Variants in BBS9 observed in about 807,000 individuals in gnomAD.
The protein encoded by BBS9 is protein PTHB1.
A neutral mutation model predicts 117.7 loss-of-function variants in BBS9; 89 were observed. The observed-to-expected ratio is 0.76, with a 90% CI of 0.64 to 0.90. The LOEUF (loss-of-function observed/expected upper bound fraction) is 0.90. Among genes scored for constraint, BBS9 ranks in the 40% least tolerant of loss-of-function variants. BBS9 has a pLI of 0.00. For missense variants in BBS9, 982 were observed against 1,042.2 expected (o/e 0.94, Z 0.80); for synonymous variants, 379 against 370.9 (o/e 1.02, Z -0.25).
intron 20 of BBS9, among the ~76,000 whole-genome samples, chr7:33,532,869 A>G (rs1585155322): frequency 2.6e-5 from 4 of 152,168 alleles, no homozygotes; most frequent in Non-Finnish European, 5.9e-5. Flanking sequence ...GCAGTATTCT[A>G]TGATCATAAA....
chr7:33,398,378 C>G (rs1237202405), intron 19 of BBS9, among the ~76,000 whole-genome samples: 1 of 152,094 alleles, frequency 6.6e-6, no homozygotes. Context: ...TTCCTGTTCA[C>G]TGAAAAGAGA....
chr7:33,515,910 C>T (rs1400288798), intron 20 of BBS9, among the ~76,000 whole-genome samples: 1 of 152,206 alleles, frequency 6.6e-6, no homozygotes, highest in African/African-American at 2.4e-5. Flanking sequence ...CTTCTAACTA[C>T]ACTATTTCCA....
chr7:33,289,436 T>G (rs7778892), intron 9 of BBS9, among the ~76,000 whole-genome samples: 125,982 of 152,140 alleles, frequency 0.83, 52,214 homozygotes, highest in Admixed American at 0.86. Flanking sequence ...AATTATTAAG[T>G]ATTTTAAGGA....
At chr7:33,533,917 A>C (rs765837501) in intron 20 of BBS9, 37 bp from the exon 21 acceptor site, 2 of 1,606,618 alleles carry the variant, frequency 1.2e-6, no homozygotes, top group African/African-American at 1.3e-5. Context: ...TCTTATTGTC[A>C]TCTTTGTATT....
At chr7:33,420,146 G>C (rs1470753289) in intron 19 of BBS9, among the ~76,000 whole-genome samples, 1 of 152,104 alleles carries the variant, frequency 6.6e-6, no homozygotes, top group Non-Finnish European at 1.5e-5. Context: ...AGAGATTTTG[G>C]GGTCAGACAA....
intron 5 of BBS9, among the ~76,000 whole-genome samples, chr7:33,197,188 C>G (rs183069472): frequency 2.3e-4 from 35 of 152,186 alleles, no homozygotes; most frequent in Admixed American, 5.2e-4. Flanking sequence ...TCAGCACTGC[C>G]TTTGACAAGA....
At chr7:33,534,362 T>G (rs1214958800) in intron 21 of BBS9, 186 bp downstream of exon 21, 2 of 658,638 alleles carry the variant, frequency 3.0e-6, no homozygotes, top group East Asian at 5.5e-5. Context: ...GATATTTGCT[T>G]GCTAGACATT....
chr7:33,575,609 A>G (rs534213775), intron 21 of BBS9, among the ~76,000 whole-genome samples: 5 of 152,250 alleles, frequency 3.3e-5, no homozygotes, highest in African/African-American at 1.2e-4. Context: ...CAACAAAAAA[A>G]GAATTTTAGA....
At chr7:33,301,330 A>C (rs1806391181) in intron 9 of BBS9, among the ~76,000 whole-genome samples, 1 of 152,026 alleles carries the variant, frequency 6.6e-6, no homozygotes, top group African/African-American at 2.4e-5. Flanking sequence ...ATTTTTGAGT[A>C]TCATCTTCCT....
chr7:33,510,802 G>A (rs1162268945), intron 20 of BBS9, among the ~76,000 whole-genome samples: 2 of 152,204 alleles, frequency 1.3e-5, no homozygotes, highest in South Asian at 2.1e-4. Flanking sequence ...AGAAAGTTCT[G>A]TTGCATAGCA....
chr7:33,340,972 CT>C lies in BBS9; in HGVS notation c.1275del (p.Gln426LysfsTer17), dbSNP rs1235835741. ...GTTTCTCCTAACTTTGATTCAGTTT[CT>C]GTAGGTGTACTTGCAGATTTTAAAG... ...VVVSPNFDSV[S>X]QATDVEVGTD... is the part of the protein sequence containing the mutation. On this transcript the variant is annotated frameshift_variant and splice_region_variant, in exon 11 of 23. Transcript: ENST00000242067. LOFTEE classifies it high-confidence loss of function. 1.2e-6 allele frequency: 2 copies of C among 1,612,778 alleles called. No homozygotes were observed. The highest frequency in any genetic ancestry group is 1.7e-6 in the Non-Finnish European group (2 of 1,179,092).
At chr7:33,303,876 G>A (rs112044290) in intron 9 of BBS9, among the ~76,000 whole-genome samples, 3 of 152,158 alleles carry the variant, frequency 2.0e-5, no homozygotes, top group Non-Finnish European at 2.9e-5. Flanking sequence ...CCTCCCAGCC[G>A]CCTGCCTTGG....
At chr7:33,516,414 G>A (rs111772302) in intron 20 of BBS9, among the ~76,000 whole-genome samples, 3,211 of 148,934 alleles carry the variant, frequency 0.022, 55 homozygotes, top group East Asian at 0.061. Context: ...ACTGGAACCC[G>A]GGAGGCAGAG....
intron 19 of BBS9, among the ~76,000 whole-genome samples, chr7:33,494,314 C>T (rs1472018735): frequency 2.0e-5 from 3 of 152,282 alleles, no homozygotes; most frequent in South Asian, 2.1e-4. Flanking sequence ...ATGTCATTAA[C>T]GAGGAGGATG....
In BBS9 at chr7:33,519,443, C is replaced by A. The variant is rs187302108; in HGVS notation, c.2298+13798C>A. Among the ~76,000 whole-genome samples the A allele has an allele frequency of 8.5e-5, 13 of 152,240 alleles. No individual in the cohort carries two copies. In the East Asian group the frequency reaches 2.5e-3, roughly 29 times the overall value. ...CAGATTCATTAGAATCATGTCTGACCATTGTTATGTTTTCGAGAGCCATGG... is the reference window on the plus strand; with the variant it reads ...CAGATTCATTAGAATCATGTCTGACAATTGTTATGTTTTCGAGAGCCATGG... On this transcript the variant is annotated intron_variant, in intron 20 of 22. Coordinates refer to ENST00000242067, the MANE Select transcript of BBS9 (RefSeq NM_198428.3).
chr7:33,609,076 G>A (rs1256657209), downstream of BBS9, among the ~76,000 whole-genome samples: 2 of 151,920 alleles, frequency 1.3e-5, no homozygotes, highest in Non-Finnish European at 2.9e-5. Context: ...TTCTTTCTAT[G>A]ACTAGTTACA....
chr7:33,527,566 T>C (rs1296993283), intron 20 of BBS9, among the ~76,000 whole-genome samples: 4 of 152,230 alleles, frequency 2.6e-5, no homozygotes, highest in African/African-American at 9.6e-5. Flanking sequence ...CCTGACCCCT[T>C]GCGCTTCCCA....
chr7:33,266,960 G>T (rs1421081075), intron 7 of BBS9, among the ~76,000 whole-genome samples: 1 of 152,068 alleles, frequency 6.6e-6, no homozygotes, highest in Non-Finnish European at 1.5e-5. Context: ...GACCAGACTG[G>T]TCTCGATCTC....
intron 1 of BBS9, among the ~76,000 whole-genome samples, chr7:33,138,947 C>A (rs1345619895): frequency 6.6e-6 from 1 of 151,084 alleles, no homozygotes; most frequent in Non-Finnish European, 1.5e-5. Flanking sequence ...TTCTAATTTT[C>A]GGTTAGAAGT....
Sources: allele counts gnomAD v4.1 joint callset (sites outside exome capture counted in the v4.1 genomes callset), GRCh38; gene constraint gnomAD v4.1.1; transcripts MANE v1.5; gene names NCBI Gene and HGNC (gene_info 2026-07-23, HGNC 2026-07-21).